ANO10: variants seen among roughly 807,000 people sequenced by gnomAD.
ANO10 encodes anoctamin-10.
In ANO10, 77 loss-of-function variants were observed where a neutral mutation model predicts 74.7. That is an observed-to-expected ratio of 1.03 (90% CI 0.86 to 1.25). The LOEUF is 1.25. ANO10 is among the 50% of genes most tolerant of loss of function. The probability of loss-of-function intolerance (pLI) is 0.00; values close to 1 mark genes in which losing one functional copy is unlikely to be tolerated. For missense variants in ANO10, 721 were observed against 778.1 expected (o/e 0.93, Z 0.87); for synonymous variants, 279 against 284.9 (o/e 0.98, Z 0.21).
intron 11 of ANO10, among the ~76,000 whole-genome samples, chr3:43,518,116 G>T (rs2149205992): frequency 6.6e-6 from 1 of 152,290 alleles, no homozygotes; most frequent in South Asian, 2.1e-4. Context: ...TCCTATCTGG[G>T]CAAGTGTTGT....
chr3:43,434,302 A>C (rs1166722603), intron 11 of ANO10, among the ~76,000 whole-genome samples: 1 of 152,232 alleles, frequency 6.6e-6, no homozygotes, highest in Non-Finnish European at 1.5e-5. Context: ...TACAGCATGG[A>C]CCAGATGATA....
At chr3:43,525,873 A>C (rs2078174610) in intron 11 of ANO10, among the ~76,000 whole-genome samples, 1 of 152,210 alleles carries the variant, frequency 6.6e-6, no homozygotes, top group Non-Finnish European at 1.5e-5. Flanking sequence ...TTCAAACCTC[A>C]GATTTTCTGG....
At chr3:43,396,911 T>G (rs982057059) in intron 12 of ANO10, among the ~76,000 whole-genome samples, 2 of 152,050 alleles carry the variant, frequency 1.3e-5, no homozygotes, top group Non-Finnish European at 2.9e-5. Flanking sequence ...ATCCAGTGTA[T>G]TTTTTTGTCT....
chr3:43,488,551 C>T (rs13071313), intron 11 of ANO10, among the ~76,000 whole-genome samples: 33,091 of 151,434 alleles, frequency 0.22, 3,842 homozygotes, highest in Middle Eastern at 0.36. Flanking sequence ...TTTATGCAGC[C>T]AAAAGACACA....
At chr3:43,515,265 T>C (rs1415162953) in intron 11 of ANO10, among the ~76,000 whole-genome samples, 1 of 152,202 alleles carries the variant, frequency 6.6e-6, no homozygotes, top group South Asian at 2.1e-4. Context: ...ATCCATAGAC[T>C]GAATAAAGCA....
chr3:43,578,749 CAA>C (rs56186109), intron 5 of ANO10, among the ~76,000 whole-genome samples: 242 of 64,274 alleles, frequency 3.8e-3, no homozygotes, highest in African/African-American at 9.5e-3. Flanking sequence ...GACTCCATCT[CAA>C]AAAAAAAAAA....
chr3:43,422,918 CAT>C (rs2092840928), intron 12 of ANO10, among the ~76,000 whole-genome samples: 1 of 152,078 alleles, frequency 6.6e-6, no homozygotes, highest in African/African-American at 2.4e-5. Flanking sequence ...CTAGTGAAAA[CAT>C]AAAATACAGG....
chr3:43,661,361 A>T (rs919577349), intron 1 of ANO10, among the ~76,000 whole-genome samples: 4 of 152,224 alleles, frequency 2.6e-5, no homozygotes. Context: ...ATGCTGAAAG[A>T]TTTTGTCATC....
intron 10 of ANO10, among the ~76,000 whole-genome samples, chr3:43,554,857 C>T (rs1172014975): frequency 6.6e-6 from 1 of 151,788 alleles, no homozygotes; most frequent in African/African-American, 2.4e-5. Context: ...CTGAGACCAC[C>T]CCAGGACTAG....
rs1244199655 is a variant in ANO10 at position 43,605,702 on chromosome 3, T to A, written c.139+12A>T. 1.2e-6 allele frequency: 2 copies of A among 1,613,198 alleles called. No individual in the cohort carries two copies. Among genetic ancestry groups the A allele is most frequent in the South Asian group, 2.2e-5 (2 of 91,012 alleles). On this transcript the variant is annotated intron_variant, in intron 2 of 12. Coordinates refer to ENST00000292246, the MANE Select transcript of ANO10 (RefSeq NM_018075.5). ...GGCCAGACTAAGTCTGAGCAGTGAC[T>A]ATTTTACTCACCTCCATCTTTTTTT... is the stretch of plus-strand genomic sequence containing the variant.
intron 4 of ANO10, among the ~76,000 whole-genome samples, chr3:43,597,347 G>A (rs1324072802): frequency 1.3e-5 from 2 of 152,168 alleles, no homozygotes; most frequent in Admixed American, 1.3e-4. Flanking sequence ...CAATAGCAAA[G>A]ACTTGGAACC....
chr3:43,423,997 C>T (rs1375324293), intron 12 of ANO10, among the ~76,000 whole-genome samples: 1 of 152,178 alleles, frequency 6.6e-6, no homozygotes, highest in Non-Finnish European at 1.5e-5. Context: ...GAATTCCTTG[C>T]TGGGTTCACC....
chr3:43,626,144 G>T (rs998788673), upstream of ANO10, among the ~76,000 whole-genome samples: 1 of 151,956 alleles, frequency 6.6e-6, no homozygotes, highest in African/African-American at 2.4e-5. Flanking sequence ...ATGTTGGTCA[G>T]GCTGGTCTCG....
At chr3:43,660,213 G>A (rs189294316) in intron 1 of ANO10, among the ~76,000 whole-genome samples, 11 of 152,174 alleles carry the variant, frequency 7.2e-5, no homozygotes, top group Middle Eastern at 3.4e-3. Context: ...ACAACTCCTC[G>A]CCAGCAAGAG....
At chr3:43,665,650 A>G (rs2083981928) in intron 1 of ANO10, among the ~76,000 whole-genome samples, 1 of 152,146 alleles carries the variant, frequency 6.6e-6, no homozygotes, top group Non-Finnish European at 1.5e-5. Context: ...CCTCTCTGTC[A>G]ACACCTTTCT....
In ANO10 at chr3:43,389,405, A is replaced by G. The variant is rs150176634; in HGVS notation, c.1915-22431T>C. 3.0e-4 allele frequency among the ~76,000 whole-genome samples: 46 copies of G among 152,320 alleles called. No individual in the cohort carries two copies. The East Asian group carries it at 3.7e-3, about 12-fold the overall frequency. On this transcript the variant is annotated intron_variant, in intron 12 of 12. Coordinates refer to ENST00000292246, the MANE Select transcript of ANO10 (RefSeq NM_018075.5). Reference sequence around the variant, plus strand: ...ATTTTGTTAAAAGGACATGAAATAAATGTTTTAGGAGCTCATGGTCAGCTT... The same window carrying G: ...ATTTTGTTAAAAGGACATGAAATAAGTGTTTTAGGAGCTCATGGTCAGCTT...
At chr3:43,373,984 A>G (rs2091710442) in intron 12 of ANO10, among the ~76,000 whole-genome samples, 1 of 152,208 alleles carries the variant, frequency 6.6e-6, no homozygotes, top group African/African-American at 2.4e-5. Context: ...ATTTTCTCCA[A>G]GTTATGGATA....
intron 12 of ANO10, among the ~76,000 whole-genome samples, chr3:43,397,789 A>C (rs916275003): frequency 7.3e-5 from 11 of 151,698 alleles, no homozygotes; most frequent in African/African-American, 2.7e-4. Context: ...GCCTCCCCAG[A>C]CTCTGCCTCT....
At chr3:43,676,645 T>A (rs1478165032) in intron 1 of ANO10, among the ~76,000 whole-genome samples, 2 of 152,066 alleles carry the variant, frequency 1.3e-5, no homozygotes, top group Non-Finnish European at 2.9e-5. Flanking sequence ...TATGTATTGT[T>A]TCAGTGTCAA....
Sources: allele counts gnomAD v4.1 joint callset (sites outside exome capture counted in the v4.1 genomes callset), GRCh38; gene constraint gnomAD v4.1.1; transcripts MANE v1.5; gene names NCBI Gene and HGNC (gene_info 2026-07-23, HGNC 2026-07-21).